MUC4: variants seen among roughly 807,000 people sequenced by gnomAD.
MUC4 encodes the protein mucin 4, cell surface associated, also known as mucin-4.
MUC4 carries 202 observed loss-of-function variants against 257.9 expected under a neutral mutation model. The ratio of observed to expected loss-of-function variants is 0.78; its 90% CI spans 0.70 to 0.88. The LOEUF is 0.88. MUC4 is among the 40% of genes least tolerant of loss of function. The pLI, the probability that MUC4 is intolerant of heterozygous loss-of-function variation, is 0.00. For missense variants in MUC4, 5,976 were observed against 6,513.7 expected (o/e 0.92, Z 2.84); for synonymous variants, 2,351 against 2,757.1 (o/e 0.85, Z 4.62).
intron 3 of MUC4, among the ~76,000 whole-genome samples, chr3:195,775,931 A>ACGGC (rs1724536803): frequency 1.1e-5 from 1 of 89,992 alleles, no homozygotes; most frequent in Non-Finnish European, 2.1e-5. Context: ...CATACCTTCC[A>ACGGC]CAGTCATACC....
At chr3:195,804,802 T>A (rs1735772645) in intron 1 of MUC4, among the ~76,000 whole-genome samples, 1 of 152,258 alleles carries the variant, frequency 6.6e-6, no homozygotes, top group Non-Finnish European at 1.5e-5. Context: ...AGGGAGCTAA[T>A]GCTATTTGTG....
At chr3:195,753,369 C>T (rs1716868865) in intron 19 of MUC4, 139 bp from the exon 20 acceptor site, 1 of 791,044 alleles carries the variant, frequency 1.3e-6, no homozygotes, top group Admixed American at 2.9e-5. Context: ...AACCATCCTT[C>T]CCCCCTTTTC....
At chr3:195,747,554 G>A (rs1181730390) in intron 24 of MUC4, among the ~76,000 whole-genome samples, 174 bp from the exon 25 acceptor site, 1 of 152,280 alleles carries the variant, frequency 6.6e-6, no homozygotes, top group Non-Finnish European at 1.5e-5. Flanking sequence ...GGCAAAGGAG[G>A]CAGGTGTGGG....
Position 195,789,996 on chromosome 3 carries a change from A to G in MUC4, c.1584T>C (p.Thr528=). The change falls in exon 2 of 25, where the codon ACT becomes ACC. Residue 528 remains threonine, a synonymous_variant. Transcript: ENST00000463781. ...AGACCTTAGAGGGGACCCTTGGAAT[A>G]GTGCCAGCTGTCCCTGTAGATGGAT... ...TGNPSTGTAG[T]IPRVPSKVSA... 6.2e-7 allele frequency: 1 copy of G among 1,613,958 alleles called. No individual in the cohort carries two copies. The highest frequency in any genetic ancestry group is 8.5e-7 in the Non-Finnish European group (1 of 1,179,874).
At chr3:195,762,281 G>A in intron 13 of MUC4, 27 bp from the exon 14 acceptor site, 2 of 1,552,500 alleles carry the variant, frequency 1.3e-6, no homozygotes, top group East Asian at 2.4e-5. Context: ...CAGCGGAGAG[G>A]AAGCCAGGTC....
chr3:195,780,488 G>A lies in MUC4; in HGVS notation c.11092C>T (p.Pro3698Ser). 1.3e-6 allele frequency: 2 copies of A among 1,526,924 alleles called. No individual in the cohort carries two copies. The highest frequency in any genetic ancestry group is 2.5e-5 in the East Asian group (1 of 40,368). 94.6% of individuals were successfully genotyped at this position (1,526,924 alleles called of 1,614,324 possible). A position where few individuals can be genotyped will look rare whatever the true frequency, so the allele number is the denominator to read the frequency against. Residue 3698 changes from proline (P) to serine (S), a missense_variant, in exon 2 of 25, where the codon CCT becomes TCT. This residue lies in a region of MUC4 where 330 missense variants were observed against 262.0 expected (regional missense o/e 1.26). Transcript: ENST00000463781. ...GATGATGAGGAAGGGATGGTGACAG[G>A]AAGAGGGGTGGCCTGACCTGTGGAT... The part of the protein sequence containing the change: ...SASTGQATPL[P>S]VTIPSSSSSG...
Position 195,771,565 on chromosome 3 carries a change from G to C in MUC4, c.13242+87C>G. On this transcript the variant is annotated intron_variant, in intron 5 of 24. Transcript: ENST00000463781. ...CCCTGCTGCAGGGGCTGTCACAGCA[G>C]CAACTCTGGCAAAGCCTTCCACACA... is the stretch of plus-strand genomic sequence containing the variant. The C allele has an allele frequency of 2.7e-6, 4 of 1,464,610 alleles. No homozygotes were observed. In the South Asian group the frequency reaches 3.9e-5, roughly 14 times the overall value. 90.7% of individuals were successfully genotyped at this position (1,464,610 alleles called of 1,614,324 possible).
In MUC4 at chr3:195,783,666, G is replaced by A; in HGVS notation, c.7914C>T (p.Ala2638=). The A allele has an allele frequency of 2.5e-6, 1 of 400,448 alleles. No individual in the cohort carries two copies. Among genetic ancestry groups the A allele is most frequent in the Non-Finnish European group, 4.3e-6 (1 of 234,344 alleles). The allele number at this position is 400,448 out of a possible 1,614,324, so 24.8% of individuals were successfully genotyped here. A position where few individuals can be genotyped will look rare whatever the true frequency, so the allele number is the denominator to read the frequency against. The change falls in exon 2 of 25, where the codon GCC becomes GCT. Residue 2638 remains alanine (A), a synonymous_variant. Coordinates refer to ENST00000463781, the MANE Select transcript of MUC4 (RefSeq NM_018406.7). ...AAGCGTCGGTGACAAGAAGAGGAGT[G>A]GCGTGACCTGTGGATGCTGAGGAAG... ...TSPSSASTGH[A]TPLLVTDASS... is the part of the protein sequence containing the mutation.
chr3:195,762,312 A>C, intron 13 of MUC4, 58 bp from the exon 14 acceptor site: 1 of 1,497,228 alleles, frequency 6.7e-7, no homozygotes, highest in Non-Finnish European at 9.0e-7. Flanking sequence ...CCCGCACCAA[A>C]CCCGCGCCCT....
Position 195,753,142 on chromosome 3 carries a change from C to G in MUC4, c.15417G>C (p.Leu5139=). The change falls in exon 20 of 25, where the codon CTG becomes CTC. Residue 5139 remains leucine, a synonymous_variant. Transcript: ENST00000463781. ...NQGHCYISQT[L]GCQPMCTCPP... ...GGCAGGTGCACATGGGCTGACAGCCCAGAGTCTGGGAGATGTAGCAGTGGC... is the reference window on the plus strand; with the variant it reads ...GGCAGGTGCACATGGGCTGACAGCCGAGAGTCTGGGAGATGTAGCAGTGGC... 21 of 1,613,102 alleles carry G rather than the reference C, an allele frequency of 1.3e-5. No homozygotes were observed. Among genetic ancestry groups the G allele is most frequent in the Non-Finnish European group, 1.8e-5 (21 of 1,179,690 alleles).
At chr3:195,806,760 C>T (rs949484630) in intron 1 of MUC4, among the ~76,000 whole-genome samples, 1 of 152,202 alleles carries the variant, frequency 6.6e-6, no homozygotes, top group African/African-American at 2.4e-5. Flanking sequence ...AGCTGCCTCA[C>T]TTATGGGTTC....
At chr3:195,800,250 C>T (rs1238939107) in intron 1 of MUC4, among the ~76,000 whole-genome samples, 1 of 151,944 alleles carries the variant, frequency 6.6e-6, no homozygotes, top group East Asian at 1.9e-4. Context: ...TGCACTCCAG[C>T]CTGGGCGACA....
chr3:195,808,113 G>C (rs1019041781), intron 1 of MUC4, among the ~76,000 whole-genome samples: 3 of 152,238 alleles, frequency 2.0e-5, no homozygotes, highest in Non-Finnish European at 4.4e-5. Context: ...AGAGGCACGA[G>C]GATCCTTAGA....
chr3:195,767,630 TCAC>T (rs1240458054), intron 7 of MUC4, among the ~76,000 whole-genome samples: 7 of 26,700 alleles, frequency 2.6e-4, no homozygotes, highest in African/African-American at 5.4e-4. Context: ...ATCACCACCA[TCAC>T]CACCACCATC....
Position 195,751,113 on chromosome 3 carries a change from C to T in MUC4, c.15648-1G>A. 14 of 1,241,476 alleles carry T rather than the reference C, an allele frequency of 1.1e-5. No homozygotes were observed. Among genetic ancestry groups the T allele is most frequent in the Non-Finnish European group, 1.5e-5 (14 of 942,348 alleles). 76.9% of individuals were successfully genotyped at this position (1,241,476 alleles called of 1,614,324 possible). A position where few individuals can be genotyped will look rare whatever the true frequency, so the allele number is the denominator to read the frequency against. ...TCCCGAGGCCGGTGCTGCAGAATCGCTGTGTGGGAGGGCAACGGTGAGGGG... is the reference window on the plus strand; with the variant it reads ...TCCCGAGGCCGGTGCTGCAGAATCGTTGTGTGGGAGGGCAACGGTGAGGGG... On this transcript the variant is annotated splice_acceptor_variant, in intron 22 of 24. Transcript: ENST00000463781. LOFTEE classifies it high-confidence loss of function.
chr3:195,763,649 G>GA lies in MUC4; in HGVS notation c.14045-9dup. 3.3e-6 allele frequency: 5 copies of GA among 1,501,014 alleles called. No individual in the cohort carries two copies. Among genetic ancestry groups the GA allele is most frequent in the African/African-American group, 1.4e-5 (1 of 71,262 alleles). The allele number at this position is 1,501,014 out of a possible 1,614,324, so 93.0% of individuals were successfully genotyped here. A position where few individuals can be genotyped will look rare whatever the true frequency, so the allele number is the denominator to read the frequency against. On this transcript the variant is annotated splice_polypyrimidine_tract_variant and intron_variant, in intron 11 of 24. Transcript: ENST00000463781. ...GGTCCCCGAACATCCAGGCTGGAAG[G>GA]AAAAAAGAGATGCTGCCTCAGCATG...
intron 3 of MUC4, among the ~76,000 whole-genome samples, chr3:195,774,666 C>G (rs900680386): frequency 1.3e-5 from 2 of 152,138 alleles, no homozygotes; most frequent in Admixed American, 1.3e-4. Context: ...CTTTGGGAGG[C>G]TGAGGCGGGA....
At chr3:195,767,918 ACTGCCACC>A (rs1721904605) in intron 7 of MUC4, among the ~76,000 whole-genome samples, 1 of 139,882 alleles carries the variant, frequency 7.1e-6, no homozygotes. Context: ...CACCATCGCC[ACTGCCACC>A]TCCACCGCCA....
chr3:195,762,404 AGCTGCAC>A, intron 13 of MUC4, 150 bp from the exon 14 acceptor site: 1 of 875,774 alleles, frequency 1.1e-6, no homozygotes, highest in South Asian at 1.8e-5. Flanking sequence ...GAGGCCGGCG[AGCTGCAC>A]GCCCCGCTCG....
Sources: allele counts gnomAD v4.1 joint callset (sites outside exome capture counted in the v4.1 genomes callset), GRCh38; gene constraint gnomAD v4.1.1; regional missense constraint gnomAD v4.1.1; transcripts MANE v1.5; gene names NCBI Gene and HGNC (gene_info 2026-07-23, HGNC 2026-07-21).